The following PXDN variants were observed in gnomAD, a reference collection of about 807,000 sequenced individuals.
PXDN encodes the protein peroxidasin homolog.
In PXDN, 77 loss-of-function variants were observed where a neutral mutation model predicts 140.3. The observed-to-expected ratio is 0.55, with a 90% CI of 0.46 to 0.66. PXDN has a LOEUF of 0.66. PXDN is among the 30% of genes least tolerant of loss of function. The pLI is 0.00. For synonymous variants in PXDN, 911 were observed against 857.4 expected, an observed-to-expected ratio of 1.06 and a Z score of -1.09; for missense variants, 1,838 against 2,039.5, an observed-to-expected ratio of 0.90 and a Z score of 1.90.
In PXDN at chr2:1,639,247, C is replaced by T. The variant is rs971416656; in HGVS notation, c.4073+55G>A. The T allele has an allele frequency of 4.5e-5, 71 of 1,570,234 alleles. No homozygotes were observed. The highest frequency in any genetic ancestry group is 3.8e-4 in the Middle Eastern group (2 of 5,308). On this transcript the variant is annotated intron_variant, in intron 20 of 22. Transcript: ENST00000252804. This position sits in a 1 kb window ranked among gnomAD's most constrained non-coding sequence, Gnocchi z 5.0. ...GCAGGATGCCGGTCCTACTGCCCGA[C>T]GCCCGCGGTGCGAGGGCCCCTCTGC...
Position 1,643,372 on chromosome 2 carries a change from A to G in PXDN, c.3948T>C (p.Cys1316=), listed in dbSNP as rs1277490284. The G allele has an allele frequency of 3.1e-6, 5 of 1,613,408 alleles. No homozygotes were observed. The South Asian group carries it at 5.5e-5, about 18-fold the overall frequency. ...CATGGTGCCCCTGGCACGCACCTTC[A>G]CAGCAGTCCTGCCACACCCGGAGGT... The part of the protein sequence containing the change: ...RVDLRVWQDC[C]EDCRTRGQFN... Residue 1316 remains cysteine (C), a synonymous_variant, in exon 19 of 23, where the codon TGT becomes TGC. Transcript: ENST00000252804.
In PXDN at chr2:1,649,466, C is replaced by G. The variant is rs780135134; in HGVS notation, c.2314G>C (p.Glu772Gln). The part of the protein sequence containing the change: ...AFERLLKSVY[E>Q]NGFNTPRGIN... ...CCCCGAGGGGTGTTGAAGCCATTCT[C>G]GTACACGGATTTCAGCAGGCGCTCG... The change falls in exon 17 of 23, where the codon GAG (glutamate) becomes CAG (glutamine). Residue 772 changes from glutamate (E) to glutamine (Q), a missense_variant. Physicochemically the swap from Glu to Gln is conservative, Grantham distance 29. Transcript: ENST00000252804. The surrounding 1 kb of genome is among the most constrained non-coding windows in gnomAD (Gnocchi z 7.1). 3.1e-6 allele frequency: 5 copies of G among 1,613,994 alleles called. No individual in the cohort carries two copies. The highest frequency in any genetic ancestry group is 4.2e-6 in the Non-Finnish European group (5 of 1,179,890).
At chr2:1,681,068 C>A (rs184367227) in intron 6 of PXDN, among the ~76,000 whole-genome samples, 3 of 152,204 alleles carry the variant, frequency 2.0e-5, no homozygotes, top group Admixed American at 6.5e-5. Context: ...GGCTACAGGG[C>A]AAGGGTTGGA....
intron 11 of PXDN, chr2:1,664,756 A>G: frequency 1.8e-6 from 1 of 552,574 alleles, no homozygotes; most frequent in Admixed American, 3.1e-5. Flanking sequence ...CATGATGTCC[A>G]TGAGGGACGG....
intron 9 of PXDN, among the ~76,000 whole-genome samples, chr2:1,670,203 T>C: frequency 6.6e-6 from 1 of 152,196 alleles, no homozygotes; most frequent in Non-Finnish European, 1.5e-5. Context: ...ACAACTGTGA[T>C]AGCTAAAGAT....
chr2:1,692,412 CCATTCGA>C (rs1684202321), intron 2 of PXDN: 2 of 444,962 alleles, frequency 4.5e-6, no homozygotes, highest in Non-Finnish European at 9.3e-6. Context: ...GGCCCGTGCT[CCATTCGA>C]GCGCACAGAC....
intron 9 of PXDN, among the ~76,000 whole-genome samples, chr2:1,670,094 T>C (rs995156623): frequency 6.6e-6 from 1 of 152,170 alleles, no homozygotes; most frequent in African/African-American, 2.4e-5. Flanking sequence ...CAGTCTAAAC[T>C]GGTATGTGGA....
intron 6 of PXDN, 107 bp from the exon 7 acceptor site, chr2:1,680,469 T>C: frequency 7.4e-7 from 1 of 1,355,876 alleles, no homozygotes; most frequent in Admixed American, 1.9e-5. Context: ...GTGCCAGGCC[T>C]GCCAGGCTTG....
rs778235204 is a variant in PXDN at position 1,660,861 on chromosome 2, G to A, written c.1837+20C>T. On this transcript the variant is annotated intron_variant, in intron 14 of 22. Transcript: ENST00000252804. The surrounding 1 kb of genome is among the most constrained non-coding windows in gnomAD (Gnocchi z 4.6). ...CTTTGTGGATACCATGTGGGTAGAT[G>A]TGGGCATGTGGCATCTTACCATTCA... The A allele has an allele frequency of 3.7e-6, 6 of 1,601,258 alleles. No individual in the cohort carries two copies. Among genetic ancestry groups the A allele is most frequent in the East Asian group, 4.5e-5 (2 of 44,630 alleles).
Position 1,651,051 on chromosome 2 carries a change from A to C in PXDN, c.2105-1376T>G, listed in dbSNP as rs1683003132. On this transcript the variant is annotated intron_variant, in intron 16 of 22. Coordinates refer to ENST00000252804, the MANE Select transcript of PXDN (RefSeq NM_012293.3). The surrounding 1 kb of genome is among the most constrained non-coding windows in gnomAD (Gnocchi z 4.4). ...GGTGGGAAAGGTCTGTGCAGGGAAC[A>C]TGAACCCCGGGCTCCCCTCAGCCCC... Among the ~76,000 whole-genome samples the C allele has an allele frequency of 6.6e-6, 1 of 152,102 alleles. No individual in the cohort carries two copies. Among genetic ancestry groups the C allele is most frequent in the South Asian group, 2.1e-4 (1 of 4,824 alleles).
At chr2:1,679,091 T>C (rs780226549) in intron 7 of PXDN, among the ~76,000 whole-genome samples, 6 of 66,248 alleles carry the variant, frequency 9.1e-5, no homozygotes, top group African/African-American at 5.0e-4. Context: ...TGCATGCATG[T>C]GTGTGTGTGT....
intron 14 of PXDN, among the ~76,000 whole-genome samples, chr2:1,658,769 G>A (rs1214810772): frequency 7.8e-6 from 1 of 128,460 alleles, no homozygotes; most frequent in Non-Finnish European, 1.6e-5. Flanking sequence ...CCGGCATCGG[G>A]CTCATTCTGA....
At chr2:1,728,890 A>G (rs570720269) in intron 1 of PXDN, among the ~76,000 whole-genome samples, 22 of 152,358 alleles carry the variant, frequency 1.4e-4, no homozygotes, top group Admixed American at 9.8e-4. Context: ...CGAGTCCTCT[A>G]GAAGCGAGAC....
chr2:1,675,710 A>G (rs1435835523), intron 8 of PXDN, among the ~76,000 whole-genome samples: 1 of 151,100 alleles, frequency 6.6e-6, no homozygotes, highest in Non-Finnish European at 1.5e-5. Flanking sequence ...TTCTATAAAC[A>G]CCACCTTGCC....
chr2:1,731,472 T>C (rs114027971), intron 1 of PXDN, among the ~76,000 whole-genome samples: 2,239 of 152,136 alleles, frequency 0.015, 49 homozygotes, highest in African/African-American at 0.05. Flanking sequence ...TCACATAACC[T>C]CCTCTCTCCC....
In PXDN at chr2:1,685,008, G is replaced by A. The variant is rs536390846; in HGVS notation, c.417-857C>T. On this transcript the variant is annotated intron_variant, in intron 4 of 22. Coordinates refer to ENST00000252804, the MANE Select transcript of PXDN (RefSeq NM_012293.3). The surrounding 1 kb of genome is among the most constrained non-coding windows in gnomAD (Gnocchi z 5.1). ...ATGAGCAAAGAAGCAGCATGCCAGC[G>A]TTCACAGGTCTTCATAACTCCACAG... Among the ~76,000 whole-genome samples the A allele has an allele frequency of 1.3e-4, 20 of 152,310 alleles. No individual in the cohort carries two copies. Among genetic ancestry groups the A allele is most frequent in the South Asian group, 4.1e-4 (2 of 4,830 alleles).
intron 1 of PXDN, 83 bp downstream of exon 1, chr2:1,744,146 GCCCGATGCCCCCTCCACCCTCCGCGCC>G: frequency 9.7e-7 from 1 of 1,029,112 alleles, no homozygotes; most frequent in Non-Finnish European, 1.2e-6. Context: ...CCCCCCGCGC[GCCCGATGCCCCCTCCACCCTCCGCGCC>G]CCCCACCTCC....
At chr2:1,683,545 G>GCCACATGTTTTTCATTTTGCTCTAT in intron 6 of PXDN, 111 bp downstream of exon 6, 2 of 428,714 alleles carry the variant, frequency 4.7e-6, no homozygotes, top group Non-Finnish European at 7.2e-6. Flanking sequence ...CATTCTTTCA[G>GCCACATGTTTTTCATTTTGCTCTAT]AATCAGATTG....
intron 1 of PXDN, among the ~76,000 whole-genome samples, chr2:1,699,359 T>C (rs947759131): frequency 6.6e-6 from 1 of 151,570 alleles, no homozygotes; most frequent in African/African-American, 2.4e-5. Context: ...AAAACAATCT[T>C]GACTTTTCCC....
Sources: gnomAD v4.1 joint callset for allele counts (sites outside exome capture counted in the v4.1 genomes callset) on GRCh38, gnomAD v4.1.1 for gene constraint, Gnocchi (gnomAD v3.1) non-coding constraint, MANE v1.5 for transcripts, NCBI Gene and HGNC (gene_info 2026-07-23, HGNC 2026-07-21) for gene names.